The following XYLT1 variants were observed in gnomAD, a reference collection of about 807,000 sequenced individuals.
XYLT1 encodes xylosyltransferase 1.
A neutral mutation model predicts 91.3 loss-of-function variants in XYLT1; 36 were observed. That is an observed-to-expected ratio of 0.39 (90% CI 0.30 to 0.52). The LOEUF is 0.52. Among genes scored for constraint, XYLT1 ranks in the 20% least tolerant of loss-of-function variants. The pLI is 0.68. For synonymous variants in XYLT1, 588 were observed against 532.0 expected (o/e 1.11, Z -1.45); for missense variants, 1,242 against 1,284.5 (o/e 0.97, Z 0.51).
chr16:17,390,364 A>G (rs1365869753), intron 1 of XYLT1, among the ~76,000 whole-genome samples: 1 of 152,200 alleles, frequency 6.6e-6, no homozygotes, highest in Admixed American at 6.5e-5. Flanking sequence ...GAGTGGTAAG[A>G]AGGTGCCTAA....
chr16:17,323,148 T>C (rs2034749427), intron 2 of XYLT1, among the ~76,000 whole-genome samples: 1 of 152,252 alleles, frequency 6.6e-6, no homozygotes, highest in South Asian at 2.1e-4. Flanking sequence ...TCATGGTGGC[T>C]GGTCTTTATC....
intron 3 of XYLT1, among the ~76,000 whole-genome samples, chr16:17,256,008 A>AAAAAC (rs766114820): frequency 5.9e-5 from 9 of 152,216 alleles, no homozygotes; most frequent in Non-Finnish European, 7.3e-5. Flanking sequence ...ACTGTCTCAA[A>AAAAAC]AAAACAAAAC....
At chr16:17,385,936 C>A (rs2035743013) in intron 1 of XYLT1, among the ~76,000 whole-genome samples, 1 of 152,154 alleles carries the variant, frequency 6.6e-6, no homozygotes. Context: ...CTAACAATAG[C>A]ACCTACTGAA....
chr16:17,210,357 T>C (rs1267102251), intron 3 of XYLT1, among the ~76,000 whole-genome samples: 1 of 151,992 alleles, frequency 6.6e-6, no homozygotes, highest in Non-Finnish European at 1.5e-5. Context: ...AGCAGGTGGA[T>C]AACAAGGTCA....
rs1185851678 is a variant in XYLT1, at chr16:17,108,350, G to A, written c.*345C>T. 1.7e-5 allele frequency: 4 copies of A among 229,312 alleles called. No homozygotes were observed. Among genetic ancestry groups the A allele is most frequent in the Admixed American group, 5.8e-5 (1 of 17,340 alleles). The allele number at this position is 229,312 out of a possible 1,614,324, so 14.2% of individuals were successfully genotyped here. The stretch of plus-strand genomic sequence containing the variant: ...CCACTTATGACTGTGCTCCGTAAAC[G>A]AAGTTCTGCTGCTCGAAAGAAAAGT... On this transcript the variant is annotated 3_prime_UTR_variant, in exon 12 of 12. Transcript: ENST00000261381.
At chr16:17,175,154 A>G (rs1054716974) in intron 5 of XYLT1, among the ~76,000 whole-genome samples, 1 of 152,210 alleles carries the variant, frequency 6.6e-6, no homozygotes, top group Non-Finnish European at 1.5e-5. Context: ...TTTCAAACTG[A>G]GAAATAAAAC....
At chr16:17,207,426 T>G (rs889272133) in intron 3 of XYLT1, among the ~76,000 whole-genome samples, 21 of 152,158 alleles carry the variant, frequency 1.4e-4, no homozygotes, top group African/African-American at 5.1e-4. Flanking sequence ...TTATCTCTTG[T>G]AGGATGCCAG....
At chr16:17,350,405 T>C (rs112635349) in intron 2 of XYLT1, among the ~76,000 whole-genome samples, 1,643 of 152,292 alleles carry the variant, frequency 0.011, 38 homozygotes, top group African/African-American at 0.036. Context: ...GGCCAGGAGA[T>C]CGCAGATCCT....
chr16:17,377,644 G>C (rs902799121), intron 1 of XYLT1, among the ~76,000 whole-genome samples: 1 of 151,972 alleles, frequency 6.6e-6, no homozygotes, highest in Non-Finnish European at 1.5e-5. Context: ...ATTCAGTTCA[G>C]CCTCTCATAA....
chr16:17,142,255 C>A (rs2030998831), intron 6 of XYLT1, among the ~76,000 whole-genome samples: 1 of 152,028 alleles, frequency 6.6e-6, no homozygotes, highest in Non-Finnish European at 1.5e-5. Context: ...AAACTCCTGG[C>A]CTCAAGCAAT....
chr16:17,395,843 T>C (rs754301070), intron 1 of XYLT1, among the ~76,000 whole-genome samples: 1 of 152,220 alleles, frequency 6.6e-6, no homozygotes, highest in Non-Finnish European at 1.5e-5. Context: ...AGGACTCAGA[T>C]GTAGTGTCCT....
chr16:17,104,522 T>C lies in XYLT1; in HGVS notation c.*4173A>G, dbSNP rs1178458207. The C allele has an allele frequency of 6.6e-6, 1 of 152,172 alleles. No individual in the cohort carries two copies. The highest frequency in any genetic ancestry group is 2.4e-5 in the African/African-American group (1 of 41,418). 9.4% of individuals were successfully genotyped at this position (152,172 alleles called of 1,614,324 possible). ...ATTTTTGCCCTGACCTGATGCTGGC[T>C]TTTTTCCTCTTCTACCAGGGCAATG... On this transcript the variant is annotated 3_prime_UTR_variant, in exon 12 of 12. Coordinates refer to ENST00000261381, the MANE Select transcript of XYLT1 (RefSeq NM_022166.4).
chr16:17,267,336 A>G (rs1488762060), intron 2 of XYLT1, among the ~76,000 whole-genome samples: 1 of 152,262 alleles, frequency 6.6e-6, no homozygotes, highest in Non-Finnish European at 1.5e-5. Flanking sequence ...GGCTTGATAC[A>G]TGTTAAGCAC....
intron 5 of XYLT1, among the ~76,000 whole-genome samples, chr16:17,189,031 A>C (rs2032251747): frequency 6.6e-6 from 1 of 152,188 alleles, no homozygotes; most frequent in Non-Finnish European, 1.5e-5. Context: ...GTAGGTGCTC[A>C]ATAAATATTT....
At chr16:17,348,906 T>C (rs976197077) in intron 2 of XYLT1, among the ~76,000 whole-genome samples, 1 of 152,218 alleles carries the variant, frequency 6.6e-6, no homozygotes, top group East Asian at 1.9e-4. Context: ...TTGGTGCGTG[T>C]GCTATTTATG....
chr16:17,113,202 T>C (rs4278733), intron 11 of XYLT1, among the ~76,000 whole-genome samples: 144,515 of 151,522 alleles, frequency 0.95, 68,961 homozygotes, highest in Middle Eastern at 0.98. Flanking sequence ...AGTGCAGTGG[T>C]GTGATCTTGG....
chr16:17,361,193 T>C (rs1035625275), intron 1 of XYLT1, among the ~76,000 whole-genome samples: 7 of 152,202 alleles, frequency 4.6e-5, no homozygotes, highest in African/African-American at 1.7e-4. Context: ...GGTGATCAAG[T>C]GTGGCCTACT....
intron 2 of XYLT1, among the ~76,000 whole-genome samples, chr16:17,352,776 A>C (rs1341418364): frequency 2.6e-5 from 4 of 152,146 alleles, no homozygotes; most frequent in South Asian, 2.1e-4. Context: ...TTACGGATGC[A>C]TTTATTAATA....
intron 2 of XYLT1, among the ~76,000 whole-genome samples, chr16:17,287,674 C>CCA (rs1166102116): frequency 6.6e-6 from 1 of 152,128 alleles, no homozygotes; most frequent in African/African-American, 2.4e-5. Flanking sequence ...CATTAAGGGC[C>CCA]CACTGTGTGG....
Sources: gnomAD v4.1 joint callset for allele counts (sites outside exome capture counted in the v4.1 genomes callset) on GRCh38, gnomAD v4.1.1 for gene constraint, MANE v1.5 for transcripts, NCBI Gene and HGNC (gene_info 2026-07-23, HGNC 2026-07-21) for gene names.